The following TBC1D16 variants were observed in gnomAD, a reference collection of about 807,000 sequenced individuals.
TBC1D16 encodes TBC1 domain family member 16.
TBC1D16 carries 58 observed loss-of-function variants against 74.7 expected under a neutral mutation model. The observed-to-expected ratio is 0.78, with a 90% confidence interval of 0.63 to 0.97. The LOEUF (loss-of-function observed/expected upper bound fraction) is 0.97, where lower values mean the gene tolerates loss of function less well. TBC1D16 is among the 50% of genes least tolerant of loss of function. TBC1D16 has a pLI of 0.00. For missense variants in TBC1D16, 1,014 were observed against 1,079.5 expected (o/e 0.94, Z 0.85); for synonymous variants, 493 against 474.7 (o/e 1.04, Z -0.50).
At position 80,001,734 on chromosome 17, in the gene TBC1D16, C is replaced by T. The variant is rs973606709; in HGVS notation, c.779+8426G>A. 6.6e-6 allele frequency among the ~76,000 whole-genome samples: 1 copy of T among 152,078 alleles called. No individual in the cohort carries two copies. Among genetic ancestry groups the T allele is most frequent in the Non-Finnish European group, 1.5e-5 (1 of 67,992 alleles). On this transcript the variant is annotated intron_variant, in intron 3 of 11. Transcript: ENST00000310924. The surrounding 1 kb of genome is among the most constrained non-coding windows in gnomAD (Gnocchi z 5.8). ...TCTGTGCTGCACCTGCCCCTGGTCCCTGCTGCTGCTGGAGTGGCCCCTAAG... is the reference window on the plus strand; with the variant it reads ...TCTGTGCTGCACCTGCCCCTGGTCCTTGCTGCTGCTGGAGTGGCCCCTAAG...
rs780901980 is a variant in TBC1D16 at position 79,951,522 on chromosome 17, G to A, written c.1017C>T (p.His339=). 5 of 1,614,002 alleles carry A rather than the reference G, an allele frequency of 3.1e-6. No homozygotes were observed. The South Asian group carries it at 5.5e-5, about 18-fold the overall frequency. ...CGTCAGACAGCTTGTCCAGGCCGCCGTGGTGGAAGTGGAAAACCTTGTACT... is the reference window on the plus strand; with the variant it reads ...CGTCAGACAGCTTGTCCAGGCCGCCATGGTGGAAGTGGAAAACCTTGTACT... ...ESQYKVFHFH[H]GGLDKLSDVF... is the part of the protein sequence containing the mutation. Residue 339 remains histidine, a synonymous_variant, in exon 5 of 12, where the codon CAC becomes CAT. Transcript: ENST00000310924.
At chr17:79,997,938 A>C (rs1031242612) in intron 3 of TBC1D16, among the ~76,000 whole-genome samples, 1 of 152,158 alleles carries the variant, frequency 6.6e-6, no homozygotes, top group African/African-American at 2.4e-5. Context: ...CAGCCTGGCC[A>C]ACGTGGTGAA....
At chr17:80,021,903 C>T (rs1327136019) in intron 1 of TBC1D16, among the ~76,000 whole-genome samples, 3 of 150,622 alleles carry the variant, frequency 2.0e-5, no homozygotes, top group African/African-American at 7.5e-5. Flanking sequence ...CACACCATGA[C>T]ACACACCATG....
rs1162902903 is a variant in TBC1D16 at position 79,984,613 on chromosome 17, G to C, written c.779+25547C>G. ...AAGAAAGAGAAAGAAAAGAGGGAGGGAGGGAGTGAAGGAAGGAAGGAAGGA... is the reference window on the plus strand; with the variant it reads ...AAGAAAGAGAAAGAAAAGAGGGAGGCAGGGAGTGAAGGAAGGAAGGAAGGA... On this transcript the variant is annotated intron_variant, in intron 3 of 11. Transcript: ENST00000310924. 4.4e-5 allele frequency among the ~76,000 whole-genome samples: 5 copies of C among 114,274 alleles called. No homozygotes were observed. In the East Asian group the frequency reaches 1.3e-3, roughly 29 times the overall value. 75.0% of individuals were successfully genotyped at this position (114,274 alleles called of 152,430 possible). A position where few individuals can be genotyped will look rare whatever the true frequency, so the allele number is the denominator to read the frequency against.
chr17:80,030,003 ATC>A (rs2036720206), intron 1 of TBC1D16, among the ~76,000 whole-genome samples: 1 of 151,918 alleles, frequency 6.6e-6, no homozygotes, highest in Non-Finnish European at 1.5e-5. Flanking sequence ...CTCATACCTC[ATC>A]TCTCTGACCC....
rs1598319269 is a variant in TBC1D16, at chr17:79,945,095, T to C, written c.1729-8A>G. ...CAGCTCGCGCAGGTACAGCTGGGGG[T>C]GAGGCCGTCACGCGTTAGTTAGCTC... On this transcript the variant is annotated splice_region_variant and splice_polypyrimidine_tract_variant and intron_variant, in intron 9 of 11. Transcript: ENST00000310924. 2 of 1,572,518 alleles carry C rather than the reference T, an allele frequency of 1.3e-6. No individual in the cohort carries two copies. The highest frequency in any genetic ancestry group is 1.3e-5 in the African/African-American group (1 of 74,446).
At position 80,001,923 on chromosome 17, in the gene TBC1D16, A is replaced by G. The variant is rs1234604368; in HGVS notation, c.779+8237T>C. ...TGCTCCAGGCTCTGATTTGCTGGGC[A>G]GCTGCTGCGCCCCGGAACAAAGACG... On this transcript the variant is annotated intron_variant, in intron 3 of 11. Coordinates refer to ENST00000310924, the MANE Select transcript of TBC1D16 (RefSeq NM_019020.4). The surrounding 1 kb of genome is among the most constrained non-coding windows in gnomAD (Gnocchi z 5.8). Among the ~76,000 whole-genome samples, 2 of 151,764 alleles carry G rather than the reference A, an allele frequency of 1.3e-5. No homozygotes were observed.
chr17:79,945,065 C>T lies in TBC1D16; in HGVS notation c.1751G>A (p.Arg584Gln), dbSNP rs1227107211. 4 of 1,583,836 alleles carry T rather than the reference C, an allele frequency of 2.5e-6. No individual in the cohort carries two copies. Among genetic ancestry groups the T allele is most frequent in the South Asian group, 1.2e-5 (1 of 86,348 alleles). The change falls in exon 10 of 12, where the codon CGG becomes CAG. Residue 584 changes from arginine (R) to glutamine (Q), a missense_variant. By Grantham distance (43) the Arg-to-Gln change is conservative. Coordinates refer to ENST00000310924, the MANE Select transcript of TBC1D16 (RefSeq NM_019020.4). ...CTGGTAGAAGCGCACGTGCGTCAGCCGCAGCAGCTCGCGCAGGTACAGCTG... is the reference window on the plus strand; with the variant it reads ...CTGGTAGAAGCGCACGTGCGTCAGCTGCAGCAGCTCGCGCAGGTACAGCTG... The part of the protein sequence containing the change: ...KQLLYLRELL[R>Q]LTHVRFYQHL...
In TBC1D16 at chr17:79,950,644, C is replaced by A. The variant is rs903940880; in HGVS notation, c.1090-66G>T. The stretch of plus-strand genomic sequence containing the variant: ...CGCGCGGCTTCAGAGGCCAGCAGTG[C>A]TTTTCCCAGGAATAAAAGCCTCTCT... On this transcript the variant is annotated intron_variant, in intron 5 of 11. Coordinates refer to ENST00000310924, the MANE Select transcript of TBC1D16 (RefSeq NM_019020.4). The surrounding 1 kb of genome is among the most constrained non-coding windows in gnomAD (Gnocchi z 4.6). 7 of 1,575,208 alleles carry A rather than the reference C, an allele frequency of 4.4e-6. No homozygotes were observed. In the Admixed American group the frequency reaches 1.1e-4, roughly 26 times the overall value.
intron 3 of TBC1D16, among the ~76,000 whole-genome samples, chr17:79,978,492 G>A (rs112082216): frequency 0.014 from 2,175 of 152,344 alleles, 55 homozygotes; most frequent in African/African-American, 0.048. Context: ...AACAATCCGC[G>A]GCAGGTAGGA....
In TBC1D16 at chr17:79,987,558, C is replaced by G. The variant is rs2034891191; in HGVS notation, c.779+22602G>C. On this transcript the variant is annotated intron_variant, in intron 3 of 11. Coordinates refer to ENST00000310924, the MANE Select transcript of TBC1D16 (RefSeq NM_019020.4). This position sits in a 1 kb window ranked among gnomAD's most constrained non-coding sequence, Gnocchi z 5.2. Reference sequence around the variant, plus strand: ...CATCATGCCTGACCTATTTTTAAACCAGAATAAGCAGGTACAGAAGTTTGC... The same window carrying G: ...CATCATGCCTGACCTATTTTTAAACGAGAATAAGCAGGTACAGAAGTTTGC... 6.6e-6 allele frequency among the ~76,000 whole-genome samples: 1 copy of G among 152,030 alleles called. No homozygotes were observed. The highest frequency in any genetic ancestry group is 1.5e-5 in the Non-Finnish European group (1 of 68,000).
chr17:79,948,403 T>C (rs2032746177), intron 8 of TBC1D16, among the ~76,000 whole-genome samples: 1 of 151,754 alleles, frequency 6.6e-6, no homozygotes, highest in African/African-American at 2.4e-5. Context: ...ATGGCTCTGA[T>C]TTTCTGAAGG....
rs1165741524 is a variant in TBC1D16 at position 80,000,286 on chromosome 17, T to C, written c.779+9874A>G. Among the ~76,000 whole-genome samples, 2 of 152,098 alleles carry C rather than the reference T, an allele frequency of 1.3e-5. No homozygotes were observed. The highest frequency in any genetic ancestry group is 4.8e-5 in the African/African-American group (2 of 41,410). On this transcript the variant is annotated intron_variant, in intron 3 of 11. Transcript: ENST00000310924. The surrounding 1 kb of genome is among the most constrained non-coding windows in gnomAD (Gnocchi z 4.1). ...TATTCAGAAATAGGGTCTCAGCAGA[T>C]GTCACCAAGCTAAGATGAGGTCACC...
At position 80,010,700 on chromosome 17, in the gene TBC1D16, G is replaced by C; in HGVS notation, c.239C>G (p.Ala80Gly). The change falls in exon 3 of 12, where the codon GCA becomes GGA. Residue 80 changes from alanine (A) to glycine (G), a missense_variant. Physicochemically the swap from Ala to Gly is moderately conservative, Grantham distance 60. Coordinates refer to ENST00000310924, the MANE Select transcript of TBC1D16 (RefSeq NM_019020.4). The surrounding 1 kb of genome is among the most constrained non-coding windows in gnomAD (Gnocchi z 8.8). ...DEMLGATLIL[A>G]WVPNSRIQRQ... is the part of the protein sequence containing the mutation. ...CTGGATGCGAGAGTTGGGGACCCATGCCAGGATGAGGGTGGCTCCCAGCAT... is the reference window on the plus strand; with the variant it reads ...CTGGATGCGAGAGTTGGGGACCCATCCCAGGATGAGGGTGGCTCCCAGCAT... The C allele has an allele frequency of 8.6e-6, 13 of 1,515,892 alleles. No homozygotes were observed. The highest frequency in any genetic ancestry group is 1.1e-5 in the Non-Finnish European group (13 of 1,134,670). 93.9% of individuals were successfully genotyped at this position (1,515,892 alleles called of 1,614,324 possible).
Position 79,941,190 on chromosome 17 carries a change from C to A in TBC1D16, c.2056-83G>T. Reference sequence around the variant, plus strand: ...TCCCCATGGGAGTGGCCAAAGACAGCAACAGCAGCAACAACGGCCTGCACC... The same window carrying A: ...TCCCCATGGGAGTGGCCAAAGACAGAAACAGCAGCAACAACGGCCTGCACC... On this transcript the variant is annotated intron_variant, in intron 11 of 11. Coordinates refer to ENST00000310924, the MANE Select transcript of TBC1D16 (RefSeq NM_019020.4). This position sits in a 1 kb window ranked among gnomAD's most constrained non-coding sequence, Gnocchi z 4.3. The A allele has an allele frequency of 7.4e-7, 1 of 1,348,228 alleles. No individual in the cohort carries two copies. Among genetic ancestry groups the A allele is most frequent in the Non-Finnish European group, 1.0e-6 (1 of 995,606 alleles). 83.5% of individuals were successfully genotyped at this position (1,348,228 alleles called of 1,614,324 possible).
At chr17:79,943,800 C>T in intron 10 of TBC1D16, 1 of 1,282,628 alleles carries the variant, frequency 7.8e-7, no homozygotes, top group Non-Finnish European at 1.0e-6. Context: ...GGGCCACGCG[C>T]TGAGTTCACG....
intron 3 of TBC1D16, among the ~76,000 whole-genome samples, chr17:79,967,149 G>C (rs2033879660): frequency 6.6e-6 from 1 of 152,126 alleles, no homozygotes; most frequent in South Asian, 2.1e-4. Flanking sequence ...CCATATAACT[G>C]GGACAAGACA....
At chr17:79,946,605 G>A (rs370240689) in intron 9 of TBC1D16, among the ~76,000 whole-genome samples, 34 of 152,326 alleles carry the variant, frequency 2.2e-4, no homozygotes, top group African/African-American at 7.7e-4. Context: ...GTGTCCTGGG[G>A]TGGGGACCCC....
At chr17:79,970,829 T>C (rs2034060085) in intron 3 of TBC1D16, among the ~76,000 whole-genome samples, 2 of 139,690 alleles carry the variant, frequency 1.4e-5, no homozygotes, top group African/African-American at 5.5e-5. Context: ...CACCAGTCCT[T>C]GTACGAGTCC....
Sources: allele counts gnomAD v4.1 joint callset (sites outside exome capture counted in the v4.1 genomes callset), GRCh38; gene constraint gnomAD v4.1.1; non-coding constraint Gnocchi (gnomAD v3.1); transcripts MANE v1.5; gene names NCBI Gene and HGNC (gene_info 2026-07-23, HGNC 2026-07-21).